CPQ: variants seen among roughly 807,000 people sequenced by gnomAD.
The protein encoded by CPQ is Ser-Met dipeptidase.
CPQ carries 37 observed loss-of-function variants against 45.7 expected under a neutral mutation model. The observed-to-expected ratio is 0.81, with a 90% CI of 0.62 to 1.07. The LOEUF is 1.07. Ranked by LOEUF, CPQ falls within the 50% of genes least tolerant of loss-of-function variation. CPQ has a pLI of 0.00. For synonymous variants in CPQ, 186 were observed against 205.8 expected (o/e 0.90, Z 0.82); for missense variants, 537 against 572.9 (o/e 0.94, Z 0.64).
At chr8:96,954,295 C>T (rs1813316903) in intron 4 of CPQ, among the ~76,000 whole-genome samples, 1 of 151,700 alleles carries the variant, frequency 6.6e-6, no homozygotes, top group African/African-American at 2.4e-5. Context: ...TGTGATTATT[C>T]AACACATGGC....
intron 1 of CPQ, among the ~76,000 whole-genome samples, chr8:96,701,971 C>A (rs1366587166): frequency 2.0e-5 from 3 of 152,202 alleles, no homozygotes; most frequent in Non-Finnish European, 2.9e-5. Context: ...TGAGAAGGCC[C>A]CAGCTTTGGC....
At chr8:97,142,247 T>C (rs1812180918) in intron 7 of CPQ, among the ~76,000 whole-genome samples, 1 of 152,192 alleles carries the variant, frequency 6.6e-6, no homozygotes, top group Admixed American at 6.5e-5. Context: ...GCTAAAGAAC[T>C]GAAACTAGAA....
intron 5 of CPQ, among the ~76,000 whole-genome samples, chr8:97,026,249 G>A (rs915984372): frequency 3.3e-5 from 5 of 152,154 alleles, no homozygotes; most frequent in African/African-American, 7.2e-5. Flanking sequence ...TATGTGCCAG[G>A]ACTATGCTTG....
chr8:96,922,196 A>G (rs1341950081), intron 4 of CPQ, among the ~76,000 whole-genome samples: 1 of 152,202 alleles, frequency 6.6e-6, no homozygotes, highest in Non-Finnish European at 1.5e-5. Flanking sequence ...GATGTTTCCA[A>G]AGTATGACCA....
At chr8:96,672,069 C>T (rs922085449) in intron 1 of CPQ, among the ~76,000 whole-genome samples, 2 of 144,412 alleles carry the variant, frequency 1.4e-5, no homozygotes, top group African/African-American at 5.1e-5. Context: ...CAATGTCCAA[C>T]ACCAGCTTTC....
intron 4 of CPQ, among the ~76,000 whole-genome samples, chr8:96,911,543 G>C (rs1812664600): frequency 6.6e-6 from 1 of 152,078 alleles, no homozygotes; most frequent in South Asian, 2.1e-4. Context: ...AATGATTCCT[G>C]GTGATAATGA....
intron 7 of CPQ, among the ~76,000 whole-genome samples, chr8:97,077,750 A>G (rs893231508): frequency 6.6e-6 from 1 of 152,182 alleles, no homozygotes. Context: ...TCTCCAAAAA[A>G]TTTGTGGAAA....
intron 5 of CPQ, among the ~76,000 whole-genome samples, chr8:97,026,477 T>C (rs1442301828): frequency 6.6e-6 from 1 of 152,218 alleles, no homozygotes; most frequent in Admixed American, 6.5e-5. Flanking sequence ...CCTGGGGACC[T>C]GAACTCCCCA....
intron 2 of CPQ, among the ~76,000 whole-genome samples, chr8:96,803,246 G>A (rs1811031379): frequency 6.6e-6 from 1 of 152,164 alleles, no homozygotes; most frequent in Non-Finnish European, 1.5e-5. Context: ...TTGCCTTTCT[G>A]CTCTATTCAG....
At chr8:96,924,183 G>A (rs1301160527) in intron 4 of CPQ, among the ~76,000 whole-genome samples, 3 of 152,150 alleles carry the variant, frequency 2.0e-5, no homozygotes, top group Admixed American at 1.3e-4. Context: ...TAGGGGTGAT[G>A]GTGGTGATTC....
chr8:96,790,702 A>G, intron 2 of CPQ, among the ~76,000 whole-genome samples: 1 of 152,178 alleles, frequency 6.6e-6, no homozygotes, highest in East Asian at 1.9e-4. Flanking sequence ...AAAGCAGATC[A>G]TGACCCAGAT....
intron 5 of CPQ, among the ~76,000 whole-genome samples, chr8:96,973,679 G>C (rs2130376266): frequency 6.6e-6 from 1 of 152,254 alleles, no homozygotes; most frequent in South Asian, 2.1e-4. Flanking sequence ...TTTCTCAGCA[G>C]AAACCCTACC....
intron 1 of CPQ, among the ~76,000 whole-genome samples, chr8:96,656,697 C>A (rs1339904663): frequency 3.9e-5 from 6 of 152,164 alleles, no homozygotes; most frequent in Non-Finnish European, 8.8e-5. Flanking sequence ...TTGAGGTCGC[C>A]TCTGAGGCTG....
chr8:96,885,980 G>A (rs1241838915), intron 4 of CPQ, among the ~76,000 whole-genome samples: 1 of 149,466 alleles, frequency 6.7e-6, no homozygotes, highest in Non-Finnish European at 1.5e-5. Context: ...CATCTCAACA[G>A]AAAAAAAAAA....
intron 1 of CPQ, among the ~76,000 whole-genome samples, chr8:96,709,240 C>A (rs912110318): frequency 3.9e-5 from 6 of 152,046 alleles, no homozygotes; most frequent in African/African-American, 7.2e-5. Flanking sequence ...TAATCCCTCA[C>A]CCCTCTCCCA....
At chr8:97,005,121 G>T (rs1809358622) in intron 5 of CPQ, among the ~76,000 whole-genome samples, 1 of 151,048 alleles carries the variant, frequency 6.6e-6, no homozygotes, top group African/African-American at 2.4e-5. Context: ...TCACTCTGTT[G>T]CCCAGGCTGG....
intron 7 of CPQ, among the ~76,000 whole-genome samples, chr8:97,085,399 A>G (rs1359539491): frequency 6.6e-6 from 1 of 151,438 alleles, no homozygotes; most frequent in Non-Finnish European, 1.5e-5. Context: ...AAAAAAAACC[A>G]AAAACAAGTC....
chr8:96,964,258 A>G (rs1813517701), intron 4 of CPQ, among the ~76,000 whole-genome samples: 1 of 151,386 alleles, frequency 6.6e-6, no homozygotes, highest in Non-Finnish European at 1.5e-5. Context: ...TTGCTGGGTC[A>G]TAGTTTTGTG....
intron 1 of CPQ, among the ~76,000 whole-genome samples, chr8:96,655,555 C>G (rs1815628833): frequency 6.6e-6 from 1 of 151,994 alleles, no homozygotes; most frequent in South Asian, 2.1e-4. Flanking sequence ...CTTTATAGAT[C>G]TTCATTTTTT....
Sources: gnomAD v4.1 joint callset for allele counts (sites outside exome capture counted in the v4.1 genomes callset) on GRCh38, gnomAD v4.1.1 for gene constraint, MANE v1.5 for transcripts, NCBI Gene and HGNC (gene_info 2026-07-23, HGNC 2026-07-21) for gene names.